The following MCM5 variants were observed in gnomAD, a reference collection of about 807,000 sequenced individuals.
The protein encoded by MCM5 is DNA replication licensing factor MCM5.
In MCM5, 46 loss-of-function variants were observed where a neutral mutation model predicts 79.9. The ratio of observed to expected loss-of-function variants is 0.58; its 90% CI spans 0.45 to 0.74. The LOEUF (loss-of-function observed/expected upper bound fraction) is 0.74. Among genes scored for constraint, MCM5 ranks in the 30% least tolerant of loss-of-function variants. The probability of loss-of-function intolerance (pLI) is 0.00; values close to 1 mark genes in which losing one functional copy is unlikely to be tolerated. For synonymous variants in MCM5, 404 were observed against 390.5 expected, an observed-to-expected ratio of 1.03 and a Z score of -0.41; for missense variants, 883 against 1,017.0, an observed-to-expected ratio of 0.87 and a Z score of 1.79.
At chr22:35,429,142 T>C (rs1601767643), downstream of MCM5, among the ~76,000 whole-genome samples, 1 of 152,002 alleles carries the variant, frequency 6.6e-6, no homozygotes, top group South Asian at 2.1e-4. Flanking sequence ...CCTGCCACCA[T>C]GCTTGGCTAA....
rs1569066210 is a variant in MCM5, at chr22:35,410,816, C to T, written c.825C>T (p.Gly275=). Residue 275 remains glycine, a synonymous_variant, in exon 7 of 17, where the codon GGC becomes GGT. Transcript: ENST00000216122. ...IMGIYSIKKF[G]LTTSRGRDRV... ...GCATCTACTCCATCAAGAAGTTTGG[C>T]CTGACTACCAGCAGGGGCCGTGACA... is the stretch of plus-strand genomic sequence containing the variant. 1 of 1,614,120 alleles carries T rather than the reference C, an allele frequency of 6.2e-7. No homozygotes were observed. Among genetic ancestry groups the T allele is most frequent in the African/African-American group, 1.3e-5 (1 of 75,028 alleles).
chr22:35,428,970 C>CTTTTT (rs35549972), downstream of MCM5, among the ~76,000 whole-genome samples: 13 of 65,528 alleles, frequency 2.0e-4, 1 homozygote, highest in African/African-American at 4.0e-4. Flanking sequence ...TTTCTTTGAC[C>CTTTTT]TTTTTTTTTT....
the MCM5 span, among the ~76,000 whole-genome samples, chr22:35,437,796 C>G: frequency 6.6e-6 from 1 of 152,152 alleles, no homozygotes; most frequent in African/African-American, 2.4e-5. Flanking sequence ...AAAACTGATG[C>G]TGGTTTAATG....
the MCM5 span, among the ~76,000 whole-genome samples, chr22:35,443,494 G>C: frequency 6.6e-6 from 1 of 152,174 alleles, no homozygotes; most frequent in Non-Finnish European, 1.5e-5. Context: ...TGGCGTCAAG[G>C]TGCAAAATTT....
Position 35,424,289 on chromosome 22 carries a change from C to A in MCM5, c.*34C>A. 3 of 1,434,664 alleles carry A rather than the reference C, an allele frequency of 2.1e-6. No individual in the cohort carries two copies. Among genetic ancestry groups the A allele is most frequent in the Non-Finnish European group, 2.8e-6 (3 of 1,055,006 alleles). The allele number at this position is 1,434,664 out of a possible 1,614,324, so 88.9% of individuals were successfully genotyped here. On this transcript the variant is annotated 3_prime_UTR_variant, in exon 17 of 17. Coordinates refer to ENST00000216122, the MANE Select transcript of MCM5 (RefSeq NM_006739.4). ...GCCTCACTGGACTCATGGACTCGCC[C>A]ACGCCTCGCCCCTCCTGCCGCTGCC... is the stretch of plus-strand genomic sequence containing the variant.
the MCM5 span, among the ~76,000 whole-genome samples, chr22:35,449,107 G>A: frequency 6.6e-6 from 1 of 152,190 alleles, no homozygotes. Flanking sequence ...CTAGGAGCAG[G>A]AAAGCAACCC....
chr22:35,439,676 T>G, the MCM5 span, among the ~76,000 whole-genome samples: 1 of 152,224 alleles, frequency 6.6e-6, no homozygotes, highest in Non-Finnish European at 1.5e-5. Flanking sequence ...CTCTGTCTTT[T>G]AGGGAAGAAC....
At chr22:35,408,852 T>C (rs916828458) in intron 6 of MCM5, among the ~76,000 whole-genome samples, 2 of 152,260 alleles carry the variant, frequency 1.3e-5, no homozygotes, top group Non-Finnish European at 2.9e-5. Context: ...CCTATGTGCA[T>C]TGCTTTCCAA....
At chr22:35,439,393 A>AT in the MCM5 span, among the ~76,000 whole-genome samples, 1 of 15,254 alleles carries the variant, frequency 6.6e-5, no homozygotes, top group Non-Finnish European at 1.5e-4. Context: ...CCATACATCC[A>AT]CCCACCCACC....
At chr22:35,432,048 G>A in the MCM5 span, among the ~76,000 whole-genome samples, 7 of 152,204 alleles carry the variant, frequency 4.6e-5, no homozygotes, top group African/African-American at 1.7e-4. Context: ...GGCGAGGTGA[G>A]CATTAAATGC....
intron 5 of MCM5, among the ~76,000 whole-genome samples, chr22:35,408,122 C>G (rs551967047): frequency 1.3e-5 from 2 of 152,262 alleles, no homozygotes; most frequent in East Asian, 3.9e-4. Flanking sequence ...ACACCATGAT[C>G]CTGCAAGAAG....
chr22:35,402,242 T>A, intron 2 of MCM5, among the ~76,000 whole-genome samples: 1 of 150,506 alleles, frequency 6.6e-6, no homozygotes, highest in East Asian at 1.9e-4. Flanking sequence ...AGGCTCTATT[T>A]AAAAAAAAAC....
At chr22:35,402,441 C>T (rs367919329) in intron 2 of MCM5, among the ~76,000 whole-genome samples, 9 of 151,940 alleles carry the variant, frequency 5.9e-5, no homozygotes, top group African/African-American at 2.2e-4. Flanking sequence ...ATTCTCCTGC[C>T]TCAGTCCCCC....
the MCM5 span, among the ~76,000 whole-genome samples, chr22:35,436,902 G>GC: frequency 0.48 from 73,120 of 151,884 alleles, 20,123 homozygotes; most frequent in Non-Finnish European, 0.63. Flanking sequence ...GGGAGAGTCA[G>GC]TTCGCAGATG....
the MCM5 span, among the ~76,000 whole-genome samples, chr22:35,440,887 G>A: frequency 6.6e-6 from 1 of 151,938 alleles, no homozygotes; most frequent in Non-Finnish European, 1.5e-5. Flanking sequence ...GAGAAACCCC[G>A]TCTTTACTAA....
the MCM5 span, among the ~76,000 whole-genome samples, chr22:35,438,402 CCCACATATTCATCCATCCATCCATCCAT>C: frequency 6.9e-6 from 1 of 144,150 alleles, no homozygotes; most frequent in Admixed American, 6.9e-5. Context: ...CATCCACCCA[CCCACATATTCATCCATCCATCCATCCAT>C]CCACATATTC....
In MCM5 at chr22:35,410,753, T is replaced by G; in HGVS notation, c.762T>G (p.Cys254Trp). The G allele has an allele frequency of 1.2e-6, 2 of 1,614,084 alleles. No homozygotes were observed. Among genetic ancestry groups the G allele is most frequent in the Non-Finnish European group, 1.7e-6 (2 of 1,179,946 alleles). Residue 254 changes from cysteine (C) to tryptophan (W), a missense_variant, in exon 7 of 17, where the codon TGT becomes TGG. This residue lies in a region of MCM5 where 455 missense variants were observed against 517.5 expected (regional missense o/e 0.88). Transcript: ENST00000216122. ...TCTACCCTCCTCTCAGGTACCTGTG[T>G]GACAAGGTCGTCCCTGGGAACAGGG... The part of the protein sequence containing the change: ...HMQLYCDRYL[C>W]DKVVPGNRVT...
rs2071739 is a variant in MCM5, at chr22:35,418,185, G to A, written c.1703+329G>A. On this transcript the variant is annotated intron_variant, in intron 13 of 16. Transcript: ENST00000216122. ...TACCTGCCTTCACTCTATGACTTTG[G>A]GCAAGTTGGTTGGCCTCTCTGAGCC... Among the ~76,000 whole-genome samples the A allele has an allele frequency of 3.0e-3, 451 of 152,216 alleles. 2 individuals carry two copies. Among genetic ancestry groups the A allele is most frequent in the East Asian group, 0.027 (139 of 5,174 alleles).
chr22:35,438,704 TATTC>T, the MCM5 span, among the ~76,000 whole-genome samples: 2 of 65,692 alleles, frequency 3.0e-5, no homozygotes, highest in African/African-American at 1.3e-4. Context: ...CCCACCCACA[TATTC>T]ATCCATCCAT....
Sources: allele counts gnomAD v4.1 joint callset (sites outside exome capture counted in the v4.1 genomes callset), GRCh38; gene constraint gnomAD v4.1.1; regional missense constraint gnomAD v4.1.1; transcripts MANE v1.5; gene names NCBI Gene and HGNC (gene_info 2026-07-23, HGNC 2026-07-21).